Variants in CRCP observed in about 807,000 individuals in gnomAD.
CRCP encodes DNA-directed RNA polymerase III subunit RPC9.
In CRCP, 18 loss-of-function variants were observed where a neutral mutation model predicts 18.5. That is an observed-to-expected ratio of 0.97 (90% CI 0.67 to 1.44). CRCP has a LOEUF of 1.44. Among genes scored for constraint, CRCP ranks in the 40% most tolerant of loss-of-function variants. The probability of loss-of-function intolerance (pLI) is 0.00; values close to 1 mark genes in which losing one functional copy is unlikely to be tolerated. For synonymous variants in CRCP, 53 were observed against 62.9 expected (o/e 0.84, Z 0.75); for missense variants, 130 against 176.4 (o/e 0.74, Z 1.49).
At chr7:66,116,472 G>A (rs1441930789) in intron 1 of CRCP, among the ~76,000 whole-genome samples, 2 of 137,432 alleles carry the variant, frequency 1.5e-5, no homozygotes, top group African/African-American at 5.6e-5. Context: ...CAGAGTGACA[G>A]TGTAAGGCTC....
At position 66,116,680 on chromosome 7, in the gene CRCP, C is replaced by T. The variant is rs185985172; in HGVS notation, c.8+1710C>T. ...CTTTAGAGAATTCATCTTAGAAAAT[C>T]CTCCGTCCCCACATACATGTCCCCC... On this transcript the variant is annotated intron_variant, in intron 1 of 5. Transcript: ENST00000395326. Among the ~76,000 whole-genome samples the T allele has an allele frequency of 1.4e-3, 218 of 152,160 alleles. 1 individual carries two copies. Among genetic ancestry groups the T allele is most frequent in the Non-Finnish European group, 2.2e-3 (147 of 67,994 alleles).
At chr7:66,129,758 C>T (rs993640392) in intron 2 of CRCP, among the ~76,000 whole-genome samples, 11 of 152,212 alleles carry the variant, frequency 7.2e-5, no homozygotes, top group Non-Finnish European at 1.5e-4. Context: ...GGTGTTTTAT[C>T]CATTGGGGAA....
intron 3 of CRCP, among the ~76,000 whole-genome samples, chr7:66,133,865 T>C (rs1164813005): frequency 2.0e-5 from 3 of 146,812 alleles, no homozygotes; most frequent in African/African-American, 7.5e-5. Context: ...TTTCTTTTTT[T>C]TTTTTTTTTT....
chr7:66,147,963 G>A (rs960766697), intron 5 of CRCP, among the ~76,000 whole-genome samples: 2 of 152,112 alleles, frequency 1.3e-5, no homozygotes, highest in Admixed American at 6.6e-5. Context: ...AGGAGACTAA[G>A]GTGAGAGGAT....
chr7:66,132,446 GC>G lies in CRCP; in HGVS notation c.144+1605del, dbSNP rs1787836347. Among the ~76,000 whole-genome samples the G allele has an allele frequency of 2.6e-5, 4 of 152,090 alleles. No individual in the cohort carries two copies. The South Asian group carries it at 8.3e-4, about 32-fold the overall frequency. ...TTATTATGATTACACAAAACCTATGGCTTTTGAGGAAGAGTACCACAGAGGT... is the reference window on the plus strand; with the variant it reads ...TTATTATGATTACACAAAACCTATGGTTTTGAGGAAGAGTACCACAGAGGT... On this transcript the variant is annotated intron_variant, in intron 3 of 5. Transcript: ENST00000395326.
At chr7:66,119,658 A>G (rs989500905) in intron 1 of CRCP, 9 of 152,196 alleles carry the variant, frequency 5.9e-5, no homozygotes, top group African/African-American at 2.2e-4. Context: ...AACCCCACAC[A>G]TCTGGTCACA....
chr7:66,131,314 G>T (rs1322073060), intron 3 of CRCP, among the ~76,000 whole-genome samples: 2 of 152,080 alleles, frequency 1.3e-5, no homozygotes, highest in Non-Finnish European at 2.9e-5. Context: ...GAAGTGAGAG[G>T]AGTTTGGTCA....
chr7:66,126,349 G>C (rs1787617934), intron 1 of CRCP, among the ~76,000 whole-genome samples: 1 of 92,866 alleles, frequency 1.1e-5, no homozygotes, highest in Admixed American at 1.3e-4. Flanking sequence ...AACATACAGA[G>C]GTCTCTGTTG....
At chr7:66,149,554 T>G (rs1584102036) in intron 5 of CRCP, among the ~76,000 whole-genome samples, 1 of 152,260 alleles carries the variant, frequency 6.6e-6, no homozygotes, top group East Asian at 1.9e-4. Context: ...GATCTCCGTT[T>G]GAGAAAATAA....
At chr7:66,129,282 A>G (rs1022402760) in intron 2 of CRCP, among the ~76,000 whole-genome samples, 2 of 152,298 alleles carry the variant, frequency 1.3e-5, no homozygotes, top group African/African-American at 2.4e-5. Flanking sequence ...GCAGTGAGCC[A>G]AGATTGTGCC....
intron 4 of CRCP, among the ~76,000 whole-genome samples, chr7:66,136,623 C>T (rs979235417): frequency 6.6e-6 from 1 of 151,666 alleles, no homozygotes; most frequent in African/African-American, 2.4e-5. Flanking sequence ...TTTGGCTGCC[C>T]AAAGTGCTAG....
Position 66,114,902 on chromosome 7 carries a change from A to G in CRCP, c.-61A>G, listed in dbSNP as rs768516114. ...CTTGGCGCTGTTGGTGGCGGCGGAG[A>G]CAGCTGTGAAGTGTGAGGTTCTTTG... On this transcript the variant is annotated 5_prime_UTR_variant, in exon 1 of 6. Coordinates refer to ENST00000395326, the MANE Select transcript of CRCP (RefSeq NM_014478.5). The G allele has an allele frequency of 6.2e-7, 1 of 1,608,798 alleles. No individual in the cohort carries two copies. Among genetic ancestry groups the G allele is most frequent in the Non-Finnish European group, 8.5e-7 (1 of 1,175,940 alleles).
intron 4 of CRCP, among the ~76,000 whole-genome samples, chr7:66,140,883 A>G (rs1347894983): frequency 6.6e-6 from 1 of 152,206 alleles, no homozygotes; most frequent in East Asian, 1.9e-4. Context: ...AAAAACCTAC[A>G]AATACATAGG....
chr7:66,132,088 G>T (rs1446087067), intron 3 of CRCP, among the ~76,000 whole-genome samples: 2 of 11,852 alleles, frequency 1.7e-4, no homozygotes. Flanking sequence ...AAGTTGTAGA[G>T]ACAGTGCTGG....
intron 5 of CRCP, among the ~76,000 whole-genome samples, chr7:66,151,671 C>CTGTGTGTGTGTG (rs1413679351): frequency 1.2e-4 from 5 of 40,270 alleles, no homozygotes; most frequent in Non-Finnish European, 1.8e-4. Flanking sequence ...CACCACTTCT[C>CTGTGTGTGTGTG]TCTGTGTGTG....
At chr7:66,145,595 G>C in intron 5 of CRCP, 95 bp downstream of exon 5, 1 of 1,319,774 alleles carries the variant, frequency 7.6e-7, no homozygotes, top group Non-Finnish European at 1.1e-6. Flanking sequence ...TTTTTTAAGA[G>C]GCTGCCCAAC....
At chr7:66,149,480 A>C (rs1034050688) in intron 5 of CRCP, among the ~76,000 whole-genome samples, 1 of 152,290 alleles carries the variant, frequency 6.6e-6, no homozygotes, top group South Asian at 2.1e-4. Flanking sequence ...GATTGCGCCC[A>C]AAGAATAAAG....
intron 3 of CRCP, among the ~76,000 whole-genome samples, chr7:66,133,712 A>T (rs1331941077): frequency 2.0e-5 from 3 of 150,088 alleles, no homozygotes; most frequent in Non-Finnish European, 4.4e-5. Flanking sequence ...TTTTTTTGAG[A>T]TCAGAAAAGT....
At chr7:66,116,479 G>A (rs1301011625) in intron 1 of CRCP, among the ~76,000 whole-genome samples, 2 of 121,332 alleles carry the variant, frequency 1.6e-5, no homozygotes, top group Non-Finnish European at 3.3e-5. Context: ...ACAGTGTAAG[G>A]CTCTGTCTTA....
Sources: allele counts gnomAD v4.1 joint callset (sites outside exome capture counted in the v4.1 genomes callset), GRCh38; gene constraint gnomAD v4.1.1; transcripts MANE v1.5; gene names NCBI Gene and HGNC (gene_info 2026-07-23, HGNC 2026-07-21).